Variants in APAF1 observed in about 807,000 individuals in gnomAD.
APAF1 encodes the protein apoptotic protease-activating factor 1.
In APAF1, 91 loss-of-function variants were observed where a neutral mutation model predicts 152.4. The observed-to-expected ratio is 0.60, with a 90% CI of 0.50 to 0.71. APAF1 has a LOEUF of 0.71. Ranked by LOEUF, APAF1 falls within the 30% of genes least tolerant of loss-of-function variation. APAF1 has a pLI of 0.00. For synonymous variants in APAF1, 484 were observed against 494.1 expected (o/e 0.98, Z 0.27); for missense variants, 1,283 against 1,472.0 (o/e 0.87, Z 2.10).
intron 16 of APAF1, among the ~76,000 whole-genome samples, chr12:98,689,495 T>TGTGTGTGTGTGA (rs142801463): frequency 3.3e-5 from 5 of 151,106 alleles, no homozygotes; most frequent in African/African-American, 1.2e-4. Context: ...TGTGTGTGTG[T>TGTGTGTGTGTGA]GAGAGAGAGA....
chr12:98,674,871 A>G (rs1367715226), intron 12 of APAF1, among the ~76,000 whole-genome samples: 4 of 152,236 alleles, frequency 2.6e-5, no homozygotes, highest in African/African-American at 9.6e-5. Context: ...TATTAAGAAT[A>G]GCATTTAGCA....
chr12:98,723,767 A>G lies in APAF1; in HGVS notation c.3330+3A>G. The G allele has an allele frequency of 1.2e-6, 2 of 1,613,872 alleles. No individual in the cohort carries two copies. The highest frequency in any genetic ancestry group is 2.2e-5 in the East Asian group (1 of 44,816). On this transcript the variant is annotated splice_donor_region_variant and intron_variant, in intron 24 of 26. Coordinates refer to ENST00000551964, the MANE Select transcript of APAF1 (RefSeq NM_181861.2). ...CCTCTGCTGACAAGACTGCAAAGGT[A>G]GGTCAATCAATTGAAACCATGCATA... is the stretch of plus-strand genomic sequence containing the variant.
chr12:98,718,629 T>C (rs993645203), intron 22 of APAF1, among the ~76,000 whole-genome samples: 2 of 152,138 alleles, frequency 1.3e-5, no homozygotes, highest in African/African-American at 4.8e-5. Flanking sequence ...TCTCTTATTT[T>C]CACGAGGCAT....
Position 98,706,593 on chromosome 12 carries a change from G to A in APAF1, c.2704G>A (p.Asp902Asn), listed in dbSNP as rs1358745830. The change falls in exon 19 of 27, where the codon GAT becomes AAT. Residue 902 changes from aspartate to asparagine, a missense_variant. Transcript: ENST00000551964. ...TGGATCATCATTTTTGACATCTTCT[G>A]ATGACCAGACAATCAGGGTGAGAAA... ...PDGSSFLTSS[D>N]DQTIRLWETK... is the part of the protein sequence containing the mutation. The A allele has an allele frequency of 1.1e-5, 18 of 1,613,946 alleles. No homozygotes were observed. Among genetic ancestry groups the A allele is most frequent in the Admixed American group, 1.0e-4 (6 of 60,018 alleles).
chr12:98,698,945 C>T (rs2097712437), intron 16 of APAF1, among the ~76,000 whole-genome samples: 1 of 152,298 alleles, frequency 6.6e-6, no homozygotes, highest in African/African-American at 2.4e-5. Context: ...TCAGAGACTT[C>T]CTTATGTCTC....
At chr12:98,647,980 A>C (rs1005267481) in intron 1 of APAF1, among the ~76,000 whole-genome samples, 1 of 151,998 alleles carries the variant, frequency 6.6e-6, no homozygotes, top group Non-Finnish European at 1.5e-5. Flanking sequence ...GAAACTCATT[A>C]ATTCTCCTTG....
Position 98,651,236 on chromosome 12 carries a change from T to C in APAF1, c.526+1552T>C, listed in dbSNP as rs575158183. ...GTAGATCTGTACTAGGCTGAGCTTT[T>C]CACTGTATTTATTTATTTCCATTTC... is the stretch of plus-strand genomic sequence containing the variant. On this transcript the variant is annotated intron_variant, in intron 4 of 26. Transcript: ENST00000551964. 3.3e-5 allele frequency among the ~76,000 whole-genome samples: 5 copies of C among 152,348 alleles called. 1 individual carries two copies. The highest frequency in any genetic ancestry group is 1.2e-4 in the African/African-American group (5 of 41,578).
chr12:98,732,399 A>AT, intron 26 of APAF1, 21 bp from the exon 27 acceptor site: 1 of 1,610,346 alleles, frequency 6.2e-7, no homozygotes, highest in Non-Finnish European at 8.5e-7. Flanking sequence ...TCTAATGAGA[A>AT]TTTTATTTTT....
intron 7 of APAF1, among the ~76,000 whole-genome samples, chr12:98,665,279 T>TATATATATATATACATATATATA (rs1491328899): frequency 1.5e-5 from 1 of 65,626 alleles, no homozygotes; most frequent in Non-Finnish European, 2.9e-5. Context: ...TATATATATA[T>TATATATATATATACATATATATA]TTTTTTTTTT....
At chr12:98,677,136 A>G (rs944288282) in intron 12 of APAF1, among the ~76,000 whole-genome samples, 14 of 152,188 alleles carry the variant, frequency 9.2e-5, no homozygotes, top group African/African-American at 3.4e-4. Context: ...ATGTTGATTA[A>G]CTAGATTTGA....
At chr12:98,706,205 C>T (rs943383426) in intron 18 of APAF1, among the ~76,000 whole-genome samples, 4 of 152,028 alleles carry the variant, frequency 2.6e-5, no homozygotes, top group Non-Finnish European at 5.9e-5. Flanking sequence ...GTGTTTTTCT[C>T]ATTGTTTTTA....
chr12:98,723,837 C>T (rs535222050), intron 24 of APAF1, 73 bp downstream of exon 24: 299 of 1,473,374 alleles, frequency 2.0e-4, no homozygotes, highest in Non-Finnish European at 2.7e-4. Flanking sequence ...ATAATATATG[C>T]AAAAGGACAT....
Position 98,715,428 on chromosome 12 carries a change from T to A in APAF1, c.2960T>A (p.Ile987Asn). 3 of 1,613,328 alleles carry A rather than the reference T, an allele frequency of 1.9e-6. No homozygotes were observed. Among genetic ancestry groups the A allele is most frequent in the Non-Finnish European group, 2.5e-6 (3 of 1,179,616 alleles). ...TTTCTGTGTTTTTCTGCTTTGAAGA[T>A]TTTAGAACTTGTAAACAATAGAATC... The part of the protein sequence containing the change: ...AFGDENGAIE[I>N]LELVNNRIFQ... The change falls in exon 22 of 27, where the codon ATT (isoleucine) becomes AAT (asparagine). Residue 987 changes from isoleucine (I) to asparagine (N), a missense_variant and splice_region_variant. Ile to Asn is a moderately radical substitution (Grantham distance 149, BLOSUM62 -3). Coordinates refer to ENST00000551964, the MANE Select transcript of APAF1 (RefSeq NM_181861.2).
chr12:98,698,790 AG>A (rs1342618316), intron 16 of APAF1, among the ~76,000 whole-genome samples: 6 of 152,160 alleles, frequency 3.9e-5, no homozygotes. Context: ...ATCTTCTTGA[AG>A]GCCTTTGTCT....
At chr12:98,646,556 T>A (rs1236704436) in intron 1 of APAF1, among the ~76,000 whole-genome samples, 1 of 152,194 alleles carries the variant, frequency 6.6e-6, no homozygotes, top group Non-Finnish European at 1.5e-5. Context: ...ATTCCCACTC[T>A]CTCTCTCTTT....
At chr12:98,715,634 A>G (rs922011424) in intron 22 of APAF1, 82 bp downstream of exon 22, 71 of 1,521,838 alleles carry the variant, frequency 4.7e-5, no homozygotes, top group Admixed American at 6.7e-5. Flanking sequence ...AATCTGGTGT[A>G]TATTTTAAAC....
At chr12:98,702,907 A>G (rs1411151800) in intron 17 of APAF1, among the ~76,000 whole-genome samples, 1 of 152,158 alleles carries the variant, frequency 6.6e-6, no homozygotes, top group South Asian at 2.1e-4. Flanking sequence ...GTTCAAAAAC[A>G]GGAAAATGAT....
rs187281910 is a variant in APAF1 at position 98,678,198 on chromosome 12, G to C, written c.1920+647G>C. Among the ~76,000 whole-genome samples the C allele has an allele frequency of 6.7e-4, 102 of 152,364 alleles. 1 individual carries two copies. The highest frequency in any genetic ancestry group is 2.1e-4 in the South Asian group (1 of 4,830). On this transcript the variant is annotated intron_variant, in intron 13 of 26. Coordinates refer to ENST00000551964, the MANE Select transcript of APAF1 (RefSeq NM_181861.2). ...TTAATCTTGGCTTTTGAGTTCCAGA[G>C]AGAATGCATATTAAATGAAATGTTT...
At chr12:98,670,480 TA>T (rs1466657796) in intron 10 of APAF1, among the ~76,000 whole-genome samples, 2 of 152,060 alleles carry the variant, frequency 1.3e-5, no homozygotes, top group Non-Finnish European at 2.9e-5. Flanking sequence ...TAATTTTCTA[TA>T]AAAATAAGGA....
Sources: allele counts gnomAD v4.1 joint callset (sites outside exome capture counted in the v4.1 genomes callset), GRCh38; gene constraint gnomAD v4.1.1; transcripts MANE v1.5; gene names NCBI Gene and HGNC (gene_info 2026-07-23, HGNC 2026-07-21).